Variants in MTBP observed in about 807,000 individuals in gnomAD.
MTBP encodes mdm2-binding protein.
In MTBP, 101 loss-of-function variants were observed where a neutral mutation model predicts 117.0. The ratio of observed to expected loss-of-function variants is 0.86; its 90% CI spans 0.73 to 1.02. The LOEUF is 1.02. Among genes scored for constraint, MTBP ranks in the 50% least tolerant of loss-of-function variants. The probability of loss-of-function intolerance (pLI) is 0.00; values close to 1 mark genes in which losing one functional copy is unlikely to be tolerated. For missense variants in MTBP, 970 were observed against 1,030.9 expected, an observed-to-expected ratio of 0.94 and a Z score of 0.81; for synonymous variants, 350 against 351.5, an observed-to-expected ratio of 1.00 and a Z score of 0.05.
chr8:120,449,979 ATCT>A (rs1420272577), intron 2 of MTBP, among the ~76,000 whole-genome samples: 1 of 152,208 alleles, frequency 6.6e-6, no homozygotes, highest in East Asian at 1.9e-4. Flanking sequence ...TCAGAAGTTT[ATCT>A]TTGAGGAAGA....
chr8:120,496,439 C>T (rs950415588), intron 13 of MTBP, among the ~76,000 whole-genome samples: 22 of 152,124 alleles, frequency 1.4e-4, no homozygotes, highest in African/African-American at 5.3e-4. Flanking sequence ...TGTCAAGCTT[C>T]ACTATAGTAT....
At chr8:120,520,107 A>G (rs546382617) in intron 20 of MTBP, among the ~76,000 whole-genome samples, 51 of 152,266 alleles carry the variant, frequency 3.3e-4, no homozygotes, top group African/African-American at 1.1e-3. Flanking sequence ...ATGGATTAGC[A>G]GGCTTTGAGG....
intron 4 of MTBP, chr8:120,452,317 C>G (rs1416021068): frequency 6.6e-6 from 1 of 152,094 alleles, no homozygotes; most frequent in African/African-American, 2.4e-5. Flanking sequence ...TTTGTTTGTA[C>G]TGATTAATAA....
chr8:120,500,372 C>T (rs1475307476), intron 14 of MTBP, among the ~76,000 whole-genome samples: 2 of 151,958 alleles, frequency 1.3e-5, no homozygotes, highest in African/African-American at 4.8e-5. Context: ...AATATTTAGC[C>T]TATGTAATTT....
chr8:120,470,678 G>T, intron 10 of MTBP, 142 bp from the exon 11 acceptor site: 1 of 573,848 alleles, frequency 1.7e-6, no homozygotes, highest in Non-Finnish European at 3.0e-6. Context: ...TTACTTTTTA[G>T]TTTTTATAGT....
rs374832550 is a variant in MTBP, at chr8:120,480,329, G to C, written c.1166-7830G>C. Among the ~76,000 whole-genome samples the C allele has an allele frequency of 2.6e-5, 4 of 152,030 alleles. No homozygotes were observed. In the East Asian group the frequency reaches 5.8e-4, roughly 22 times the overall value. On this transcript the variant is annotated intron_variant, in intron 11 of 21. Coordinates refer to ENST00000305949, the MANE Select transcript of MTBP (RefSeq NM_022045.5). ...GGAGACTGAGGCAGGAGAATCGTTT[G>C]AACCTGGGAGGCAGAGGTTGCAGTG...
chr8:120,457,941 G>T (rs1324513790), intron 7 of MTBP, among the ~76,000 whole-genome samples: 1 of 136,766 alleles, frequency 7.3e-6, no homozygotes, highest in Non-Finnish European at 1.6e-5. Flanking sequence ...GTGAGACTCC[G>T]TCTCAAGAAA....
intron 11 of MTBP, among the ~76,000 whole-genome samples, chr8:120,485,968 A>G (rs1003911933): frequency 9.9e-5 from 15 of 152,158 alleles, no homozygotes; most frequent in Admixed American, 2.6e-4. Context: ...CTCATTTGCT[A>G]TCACATGTAG....
chr8:120,508,357 A>G (rs1378765803), intron 16 of MTBP, among the ~76,000 whole-genome samples: 1 of 152,176 alleles, frequency 6.6e-6, no homozygotes, highest in Non-Finnish European at 1.5e-5. Flanking sequence ...AAAATAGGTA[A>G]GGTTGCTGAG....
chr8:120,506,163 A>G (rs571427132), intron 15 of MTBP, among the ~76,000 whole-genome samples: 2 of 152,270 alleles, frequency 1.3e-5, no homozygotes, highest in East Asian at 3.9e-4. Context: ...TCAGGTATAT[A>G]ATAATGATTC....
intron 20 of MTBP, 39 bp from the exon 21 acceptor site, chr8:120,522,615 A>G (rs889453956): frequency 7.7e-7 from 1 of 1,294,812 alleles, no homozygotes; most frequent in African/African-American, 1.5e-5. Context: ...TTGTAATTTA[A>G]TGTGCAGATT....
At chr8:120,475,303 T>C (rs1813909783) in intron 11 of MTBP, among the ~76,000 whole-genome samples, 1 of 152,004 alleles carries the variant, frequency 6.6e-6, no homozygotes, top group Non-Finnish European at 1.5e-5. Context: ...TTATACTAAA[T>C]GTGTGTCTAC....
chr8:120,457,613 G>A (rs1813496091), intron 7 of MTBP, among the ~76,000 whole-genome samples: 1 of 152,134 alleles, frequency 6.6e-6, no homozygotes, highest in Non-Finnish European at 1.5e-5. Context: ...CTCTGCAAAT[G>A]TTTTAGTATA....
Position 120,497,461 on chromosome 8 carries a change from A to G in MTBP, c.1516A>G (p.Thr506Ala), listed in dbSNP as rs1814492280. Reference sequence around the variant, plus strand: ...TGAACTCAAAAGTCTGTTAGTACTCACAAGGAAACACTTTTTAGATTATTT... The same window carrying G: ...TGAACTCAAAAGTCTGTTAGTACTCGCAAGGAAACACTTTTTAGATTATTT... ...VAELKSLLVL[T>A]RKHFLDYFDA... is the part of the protein sequence containing the mutation. The change falls in exon 14 of 22, where the codon ACA becomes GCA. Residue 506 changes from threonine to alanine, a missense_variant. Thr to Ala is a moderately conservative substitution (Grantham distance 58, BLOSUM62 0). Coordinates refer to ENST00000305949, the MANE Select transcript of MTBP (RefSeq NM_022045.5). 2 of 1,607,582 alleles carry G rather than the reference A, an allele frequency of 1.2e-6. No homozygotes were observed. Among genetic ancestry groups the G allele is most frequent in the Non-Finnish European group, 1.7e-6 (2 of 1,176,844 alleles).
At position 120,515,956 on chromosome 8, in the gene MTBP, A is replaced by T; in HGVS notation, c.2011A>T (p.Arg671Ter). The part of the protein sequence containing the change: ...YCLDDRKALE[R>*]DGGFSELQSR... ...CTTGGATGACCGAAAAGCTTTGGAAAGAGATGGAGGATTTTCTGAACTTCA... is the reference window on the plus strand; with the variant it reads ...CTTGGATGACCGAAAAGCTTTGGAATGAGATGGAGGATTTTCTGAACTTCA... Residue 671 changes from arginine (R) to a stop codon, truncating the protein, a stop_gained, in exon 18 of 22, where the codon AGA becomes TGA. Transcript: ENST00000305949. LOFTEE classifies it high-confidence loss of function. 6.2e-7 allele frequency: 1 copy of T among 1,612,676 alleles called. No individual in the cohort carries two copies. Among genetic ancestry groups the T allele is most frequent in the Non-Finnish European group, 8.5e-7 (1 of 1,179,044 alleles).
chr8:120,495,903 C>T (rs1274083870), intron 13 of MTBP, among the ~76,000 whole-genome samples: 1 of 151,928 alleles, frequency 6.6e-6, no homozygotes, highest in Non-Finnish European at 1.5e-5. Context: ...TGTTTGTTTG[C>T]CTTAGTCTCT....
At chr8:120,468,880 A>C (rs887563489) in intron 10 of MTBP, among the ~76,000 whole-genome samples, 16 of 152,034 alleles carry the variant, frequency 1.1e-4, no homozygotes, top group Admixed American at 3.3e-4. Context: ...TTTCGGTCCA[A>C]CCACCAGGCT....
intron 11 of MTBP, among the ~76,000 whole-genome samples, chr8:120,487,176 A>G (rs184623690): frequency 4.7e-4 from 72 of 152,338 alleles, no homozygotes; most frequent in African/African-American, 1.6e-3. Context: ...ATTTGCCTGA[A>G]TAGAATAAGG....
intron 2 of MTBP, 66 bp downstream of exon 2, chr8:120,446,579 TGGA>T: frequency 4.9e-6 from 5 of 1,014,816 alleles, no homozygotes; most frequent in Non-Finnish European, 7.8e-6. Context: ...TTAATTAATT[TGGA>T]CCCTAAGGAG....
Sources: gnomAD v4.1 joint callset for allele counts (sites outside exome capture counted in the v4.1 genomes callset) on GRCh38, gnomAD v4.1.1 for gene constraint, MANE v1.5 for transcripts, NCBI Gene and HGNC (gene_info 2026-07-23, HGNC 2026-07-21) for gene names.